UTRN: variants seen among roughly 807,000 people sequenced by gnomAD.
The protein encoded by UTRN is utrophin, also known as dystrophin-related protein 1.
UTRN carries 283 observed loss-of-function variants against 463.9 expected under a neutral mutation model. That is an observed-to-expected ratio of 0.61 (90% CI 0.55 to 0.67). UTRN has a LOEUF of 0.67. Among genes scored for constraint, UTRN ranks in the 30% least tolerant of loss-of-function variants. The pLI, the probability that UTRN is intolerant of heterozygous loss-of-function variation, is 0.00. For missense variants in UTRN, 3,922 were observed against 4,084.3 expected (o/e 0.96, Z 1.08); for synonymous variants, 1,442 against 1,431.5 (o/e 1.01, Z -0.17).
chr6:144,671,050 G>C (rs1780965051), intron 51 of UTRN, among the ~76,000 whole-genome samples: 1 of 151,974 alleles, frequency 6.6e-6, no homozygotes, highest in Admixed American at 6.6e-5. Context: ...TTGTAGTATA[G>C]TTTGAAGTCA....
intron 2 of UTRN, among the ~76,000 whole-genome samples, chr6:144,364,548 A>G (rs185590272): frequency 1.5e-3 from 233 of 152,216 alleles, no homozygotes; most frequent in Non-Finnish European, 2.8e-3. Flanking sequence ...TCTGTTTCCC[A>G]ATTTGTGATT....
intron 52 of UTRN, among the ~76,000 whole-genome samples, chr6:144,696,667 A>AAC (rs1491552876): frequency 6.6e-6 from 1 of 152,066 alleles, no homozygotes; most frequent in African/African-American, 2.4e-5. Flanking sequence ...ATAAACCAAA[A>AAC]TATATATATA....
At chr6:144,624,993 G>A (rs1228819597) in intron 51 of UTRN, among the ~76,000 whole-genome samples, 30 of 152,118 alleles carry the variant, frequency 2.0e-4, no homozygotes, top group Non-Finnish European at 2.9e-5. Flanking sequence ...TTATAACAGA[G>A]GAAAATAGTG....
At chr6:144,454,697 ACTTC>A (rs1374673877) in intron 19 of UTRN, among the ~76,000 whole-genome samples, 4 of 152,130 alleles carry the variant, frequency 2.6e-5, no homozygotes, top group African/African-American at 9.7e-5. Flanking sequence ...ACTATAATGA[ACTTC>A]CTTGTATCAG....
chr6:144,810,252 T>C (rs1340895904), intron 65 of UTRN, among the ~76,000 whole-genome samples: 3 of 152,148 alleles, frequency 2.0e-5, no homozygotes, highest in Non-Finnish European at 4.4e-5. Flanking sequence ...ACGTCTGCTG[T>C]TTTCTCAACT....
intron 2 of UTRN, among the ~76,000 whole-genome samples, chr6:144,337,178 GACACACACACACACACC>G (rs1386087653): frequency 8.1e-6 from 1 of 123,994 alleles, no homozygotes; most frequent in Non-Finnish European, 1.6e-5. Flanking sequence ...CACACACACA[GACACACACACACACACC>G]ACACACACAC....
chr6:144,302,509 CA>C (rs57789741), intron 2 of UTRN, among the ~76,000 whole-genome samples: 2 of 139,164 alleles, frequency 1.4e-5, no homozygotes, highest in South Asian at 2.2e-4. Flanking sequence ...GACTCTGTCT[CA>C]AAAAAAAAGA....
chr6:144,402,915 G>A (rs758476012), intron 2 of UTRN, among the ~76,000 whole-genome samples: 5 of 152,070 alleles, frequency 3.3e-5, no homozygotes, highest in Non-Finnish European at 4.4e-5. Context: ...AAAGGTGCCC[G>A]AGCCTCCCTC....
intron 54 of UTRN, among the ~76,000 whole-genome samples, chr6:144,743,293 A>G (rs1025141606): frequency 1.3e-5 from 2 of 152,248 alleles, no homozygotes; most frequent in Non-Finnish European, 2.9e-5. Context: ...AGAAAAAAAC[A>G]CCATACATAT....
intron 74 of UTRN, among the ~76,000 whole-genome samples, chr6:144,848,286 G>A (rs908759853): frequency 6.6e-6 from 1 of 152,190 alleles, no homozygotes; most frequent in African/African-American, 2.4e-5. Context: ...TTAACATGAG[G>A]CCATTCTGCA....
At chr6:144,288,498 C>A (rs1277035767) in intron 1 of UTRN, among the ~76,000 whole-genome samples, 1 of 151,174 alleles carries the variant, frequency 6.6e-6, no homozygotes, top group African/African-American at 2.5e-5. Context: ...TTTCCCTGGG[C>A]AAACTTAATT....
chr6:144,490,379 G>C (rs1202948100), intron 31 of UTRN, among the ~76,000 whole-genome samples, 180 bp downstream of exon 31: 1 of 152,168 alleles, frequency 6.6e-6, no homozygotes, highest in South Asian at 2.1e-4. Flanking sequence ...TTGCATGTGT[G>C]GAAAAATATG....
At chr6:144,788,114 C>T (rs1464983914) in intron 61 of UTRN, among the ~76,000 whole-genome samples, 1 of 151,980 alleles carries the variant, frequency 6.6e-6, no homozygotes, top group Non-Finnish European at 1.5e-5. Flanking sequence ...TTCATCTGGT[C>T]GACTTATAAG....
chr6:144,572,463 G>A (rs1801031689), intron 50 of UTRN, among the ~76,000 whole-genome samples: 1 of 151,948 alleles, frequency 6.6e-6, no homozygotes, highest in Non-Finnish European at 1.5e-5. Context: ...CATGTGCGTG[G>A]TGGTTTGCTG....
intron 34 of UTRN, among the ~76,000 whole-genome samples, chr6:144,508,537 C>T (rs914196535): frequency 5.3e-5 from 8 of 152,248 alleles, no homozygotes; most frequent in African/African-American, 1.9e-4. Flanking sequence ...CCTGGTGAAG[C>T]GACACCCTCC....
Position 144,511,085 on chromosome 6 carries a change from G to A in UTRN, c.4906G>A (p.Val1636Ile). The A allele has an allele frequency of 6.2e-7, 1 of 1,609,324 alleles. No homozygotes were observed. ...LCVLNAGWSR[V>I]RTWTEDWCNT... is the part of the protein sequence containing the mutation. ...CGTCCTTAACGCTGGGTGGAGCCGA[G>A]TTCGTACCTGGACTGAAGATTGGTG... Residue 1636 changes from valine to isoleucine, a missense_variant, in exon 35 of 75, where the codon GTT (valine) becomes ATT (isoleucine). Around this residue, in one of 3 missense-constraint regions of UTRN, gnomAD observed 2,349 missense variants for 2,303.8 expected, o/e 1.02. Transcript: ENST00000367545.
At chr6:144,426,242 T>C (rs1239579325) in intron 6 of UTRN, 45 bp from the exon 7 acceptor site, 1 of 1,561,302 alleles carries the variant, frequency 6.4e-7, no homozygotes, top group Non-Finnish European at 8.7e-7. Context: ...TTGAAGTAAA[T>C]TACTGAAGTA....
In UTRN at chr6:144,487,546, A is replaced by G. The variant is rs774390014; in HGVS notation, c.3823-2A>G. 6.3e-7 allele frequency: 1 copy of G among 1,591,484 alleles called. No individual in the cohort carries two copies. Among genetic ancestry groups the G allele is most frequent in the Admixed American group, 1.7e-5 (1 of 57,902 alleles). On this transcript the variant is annotated splice_acceptor_variant, in intron 28 of 74. Coordinates refer to ENST00000367545, the MANE Select transcript of UTRN (RefSeq NM_007124.3). LOFTEE classifies it high-confidence loss of function. ...TATTTTTTTTTCCCATCTCCATTCC[A>G]GTCTCTGGAATCTGTTCTGCGCCAC...
intron 53 of UTRN, among the ~76,000 whole-genome samples, chr6:144,728,840 A>T (rs914630040): frequency 6.6e-6 from 1 of 152,212 alleles, no homozygotes; most frequent in Non-Finnish European, 1.5e-5. Flanking sequence ...AAATCAAAAT[A>T]ATATTTACAA....
Sources: gnomAD v4.1 joint callset for allele counts (sites outside exome capture counted in the v4.1 genomes callset) on GRCh38, gnomAD v4.1.1 for gene constraint, gnomAD v4.1.1 regional missense constraint, MANE v1.5 for transcripts, NCBI Gene and HGNC (gene_info 2026-07-23, HGNC 2026-07-21) for gene names.